PPP1CC: variants seen among roughly 807,000 people sequenced by gnomAD.
PPP1CC encodes the protein serine/threonine-protein phosphatase PP1-gamma catalytic subunit.
In PPP1CC, 16 loss-of-function variants were observed where a neutral mutation model predicts 38.4. The observed-to-expected ratio is 0.42, with a 90% confidence interval of 0.28 to 0.63. The LOEUF is 0.63. PPP1CC is among the 30% of genes least tolerant of loss of function. The pLI, the probability that PPP1CC is intolerant of heterozygous loss-of-function variation, is 0.25. For synonymous variants in PPP1CC, 158 were observed against 136.0 expected, an observed-to-expected ratio of 1.16 and a Z score of -1.13; for missense variants, 170 against 391.3, an observed-to-expected ratio of 0.43 and a Z score of 4.77.
chr12:110,721,269 G>T, intron 6 of PPP1CC, 104 bp from the exon 7 acceptor site: 1 of 905,450 alleles, frequency 1.1e-6, no homozygotes, highest in Non-Finnish European at 1.7e-6. Context: ...GTTCACAACT[G>T]CCCCAACAAC....
chr12:110,712,622 A>T, the PPP1CC span, among the ~76,000 whole-genome samples: 1 of 136,222 alleles, frequency 7.3e-6, no homozygotes, highest in African/African-American at 2.8e-5. Context: ...CCTGGGCGAC[A>T]GAGAAACTGT....
Position 110,720,170 on chromosome 12 carries a change from A to G in PPP1CC, c.*906T>C, listed in dbSNP as rs1258624504. 1.3e-6 allele frequency: 2 copies of G among 1,555,546 alleles called. No individual in the cohort carries two copies. Among genetic ancestry groups the G allele is most frequent in the Non-Finnish European group, 1.7e-6 (2 of 1,156,318 alleles). ...GAACAGTATTGTTTCTATAATTTGAAGCTTTCTGAATGGACGGGTTCAGGC... is the reference window on the plus strand; with the variant it reads ...GAACAGTATTGTTTCTATAATTTGAGGCTTTCTGAATGGACGGGTTCAGGC... On this transcript the variant is annotated 3_prime_UTR_variant, in exon 7 of 7. Transcript: ENST00000335007.
At chr12:110,717,159 A>T (rs2069693823), downstream of PPP1CC, among the ~76,000 whole-genome samples, 1 of 152,170 alleles carries the variant, frequency 6.6e-6, no homozygotes, top group African/African-American at 2.4e-5. Flanking sequence ...TGGTGGGCTA[A>T]TCCTCACAAT....
the PPP1CC span, among the ~76,000 whole-genome samples, chr12:110,710,806 C>T: frequency 6.7e-4 from 99 of 147,806 alleles, 1 homozygote; most frequent in African/African-American, 2.0e-3. Context: ...CTAAGGTGGG[C>T]GGATCACTTG....
At chr12:110,710,717 CAAAAAAAAAAAAA>C in the PPP1CC span, among the ~76,000 whole-genome samples, 7 of 27,928 alleles carry the variant, frequency 2.5e-4, no homozygotes, top group Non-Finnish European at 3.2e-4. Flanking sequence ...GACTCTGTCT[CAAAAAAAAAAAAA>C]AAAAAAAAAA....
At position 110,720,108 on chromosome 12, in the gene PPP1CC, AT is replaced by A; in HGVS notation, c.*967del. 6.5e-7 allele frequency: 1 copy of A among 1,533,782 alleles called. No homozygotes were observed. The highest frequency in any genetic ancestry group is 8.7e-7 in the Non-Finnish European group (1 of 1,143,040). On this transcript the variant is annotated 3_prime_UTR_variant, in exon 7 of 7. Transcript: ENST00000335007. ...CCTCAACTTCACCGCAGAATAAAGAATGTAGGCCAAAGAAAGCATAATCGGT... is the reference window on the plus strand; with the variant it reads ...CCTCAACTTCACCGCAGAATAAAGAAGTAGGCCAAAGAAAGCATAATCGGT...
downstream of PPP1CC, chr12:110,719,679 C>T (rs915485528): frequency 1.9e-4 from 29 of 153,608 alleles, 1 homozygote; most frequent in Non-Finnish European, 7.2e-5. Flanking sequence ...AGAGGAGGAT[C>T]GTTCCACCTC....
downstream of PPP1CC, among the ~76,000 whole-genome samples, chr12:110,719,444 C>T (rs1181050441): frequency 3.3e-5 from 5 of 152,234 alleles, no homozygotes; most frequent in South Asian, 2.1e-4. Context: ...TCATTTTTAG[C>T]GTACCTTTGA....
the PPP1CC span, among the ~76,000 whole-genome samples, chr12:110,708,381 G>GAT: frequency 6.6e-6 from 1 of 152,170 alleles, no homozygotes; most frequent in Admixed American, 6.6e-5. Context: ...ATGGCTGAAA[G>GAT]ATATATATGA....
At chr12:110,710,688 A>G in the PPP1CC span, among the ~76,000 whole-genome samples, 1 of 130,144 alleles carries the variant, frequency 7.7e-6, no homozygotes, top group African/African-American at 3.0e-5. Context: ...ACTGCACTCC[A>G]GCCTGGGTGA....
rs540631378 is a variant in PPP1CC, at chr12:110,729,285, C to T, written c.418+1244G>A. Among the ~76,000 whole-genome samples the T allele has an allele frequency of 2.7e-5, 4 of 150,462 alleles. No homozygotes were observed. In the South Asian group the frequency reaches 8.4e-4, roughly 32 times the overall value. On this transcript the variant is annotated intron_variant, in intron 3 of 6. Coordinates refer to ENST00000335007, the MANE Select transcript of PPP1CC (RefSeq NM_002710.4). Reference sequence around the variant, plus strand: ...TTTTGGCTCACTGCAACCTCCGACTCCTGGGTTCAAGTGATTCTCCTGCCT... The same window carrying T: ...TTTTGGCTCACTGCAACCTCCGACTTCTGGGTTCAAGTGATTCTCCTGCCT...
At chr12:110,713,195 T>C in the PPP1CC span, among the ~76,000 whole-genome samples, 1 of 151,942 alleles carries the variant, frequency 6.6e-6, no homozygotes, top group Non-Finnish European at 1.5e-5. Context: ...AGCAGTGGCA[T>C]GATCTTGGCT....
rs1229990299 is a variant in PPP1CC, at chr12:110,720,465, G to A, written c.*611C>T. On this transcript the variant is annotated 3_prime_UTR_variant, in exon 7 of 7. Transcript: ENST00000335007. ...TAAAAGAATGGCTTTGTCATTTTAA[G>A]TATACGGTCGGGGAAAAGTGTGCTT... is the stretch of plus-strand genomic sequence containing the variant. The A allele has an allele frequency of 2.4e-6, 1 of 419,372 alleles. No homozygotes were observed. Among genetic ancestry groups the A allele is most frequent in the Non-Finnish European group, 4.3e-6 (1 of 233,972 alleles). 26.0% of individuals were successfully genotyped at this position (419,372 alleles called of 1,614,324 possible).
At chr12:110,712,275 C>T in the PPP1CC span, among the ~76,000 whole-genome samples, 3 of 151,864 alleles carry the variant, frequency 2.0e-5, no homozygotes, top group Admixed American at 6.6e-5. Context: ...TTAAGTGACA[C>T]GGGACCATAT....
chr12:110,719,898 G>C lies in PPP1CC; in HGVS notation c.*1178C>G, dbSNP rs915523254. 1.9e-5 allele frequency: 9 copies of C among 481,602 alleles called. No homozygotes were observed. The highest frequency in any genetic ancestry group is 2.9e-5 in the Non-Finnish European group (8 of 272,650). 29.8% of individuals were successfully genotyped at this position (481,602 alleles called of 1,614,324 possible). A position where few individuals can be genotyped will look rare whatever the true frequency, so the allele number is the denominator to read the frequency against. Reference sequence around the variant, plus strand: ...TGTATTGTGCTGATAAATAGACACTGAGAAGATTTAACAAGTTCATCATTT... The same window carrying C: ...TGTATTGTGCTGATAAATAGACACTCAGAAGATTTAACAAGTTCATCATTT... On this transcript the variant is annotated 3_prime_UTR_variant, in exon 7 of 7. Transcript: ENST00000335007.
chr12:110,713,558 G>A, the PPP1CC span, among the ~76,000 whole-genome samples: 2 of 152,074 alleles, frequency 1.3e-5, no homozygotes, highest in African/African-American at 4.8e-5. Context: ...TACTAATGCT[G>A]GTCTACAAAC....
At chr12:110,737,610 C>G (rs1489253837) in intron 1 of PPP1CC, among the ~76,000 whole-genome samples, 1 of 151,628 alleles carries the variant, frequency 6.6e-6, no homozygotes, top group Non-Finnish European at 1.5e-5. Context: ...CTCTCCCATC[C>G]TGATTTTCCT....
chr12:110,730,938 C>T (rs10774604), intron 2 of PPP1CC, among the ~76,000 whole-genome samples, 179 bp from the exon 3 acceptor site: 139,942 of 152,318 alleles, frequency 0.92, 64,618 homozygotes, highest in African/African-American at 0.98. Context: ...TTTAGTTCAA[C>T]TGAGCTTAAC....
At position 110,719,890 on chromosome 12, in the gene PPP1CC, T is replaced by C. The variant is rs576142420; in HGVS notation, c.*1186A>G. 8.2e-5 allele frequency: 39 copies of C among 476,128 alleles called. No individual in the cohort carries two copies. Among genetic ancestry groups the C allele is most frequent in the Admixed American group, 2.6e-4 (7 of 26,570 alleles). The allele number at this position is 476,128 out of a possible 1,614,324, so 29.5% of individuals were successfully genotyped here. ...CTCCTGTGTGTATTGTGCTGATAAATAGACACTGAGAAGATTTAACAAGTT... is the reference window on the plus strand; with the variant it reads ...CTCCTGTGTGTATTGTGCTGATAAACAGACACTGAGAAGATTTAACAAGTT... On this transcript the variant is annotated 3_prime_UTR_variant, in exon 7 of 7. Transcript: ENST00000335007.
Sources: gnomAD v4.1 joint callset for allele counts (sites outside exome capture counted in the v4.1 genomes callset) on GRCh38, gnomAD v4.1.1 for gene constraint, MANE v1.5 for transcripts, NCBI Gene and HGNC (gene_info 2026-07-23, HGNC 2026-07-21) for gene names.